ENTREP2: variants seen among roughly 807,000 people sequenced by gnomAD.
The protein encoded by ENTREP2 is endosomal transmembrane epsin interactor 2.
At chr15:29,664,829 C>A in the ENTREP2 span, among the ~76,000 whole-genome samples, 5 of 152,302 alleles carry the variant, frequency 3.3e-5, no homozygotes, top group South Asian at 8.3e-4. Context: ...TGTTTCTGGG[C>A]AGGCACTGTT....
chr15:29,251,269 A>C, the ENTREP2 span, among the ~76,000 whole-genome samples: 35 of 152,362 alleles, frequency 2.3e-4, no homozygotes, highest in Admixed American at 7.8e-4. Flanking sequence ...CCCCATACCC[A>C]GGGAACCACA....
the ENTREP2 span, among the ~76,000 whole-genome samples, chr15:29,258,230 AAAAG>A: frequency 5.5e-5 from 7 of 127,240 alleles, no homozygotes; most frequent in East Asian, 1.3e-3. Flanking sequence ...AAAAAAAAAA[AAAAG>A]AAAGAAAGAA....
chr15:29,542,751 G>C, the ENTREP2 span, among the ~76,000 whole-genome samples: 1 of 152,130 alleles, frequency 6.6e-6, no homozygotes. Context: ...GCTGTCCCTG[G>C]AAACCACCAT....
chr15:29,160,148 G>A, the ENTREP2 span, among the ~76,000 whole-genome samples: 1 of 152,214 alleles, frequency 6.6e-6, no homozygotes, highest in South Asian at 2.1e-4. Context: ...TGCTCCAGCA[G>A]GCAGGGCCAG....
the ENTREP2 span, among the ~76,000 whole-genome samples, chr15:29,622,967 C>T: frequency 4.9e-4 from 74 of 152,204 alleles, 1 homozygote; most frequent in African/African-American, 1.6e-3. Context: ...TGACCATCTG[C>T]GAACACTTCC....
At chr15:29,480,868 C>A in the ENTREP2 span, among the ~76,000 whole-genome samples, 2 of 152,024 alleles carry the variant, frequency 1.3e-5, no homozygotes, top group Non-Finnish European at 2.9e-5. Flanking sequence ...AATGTGGAGG[C>A]GAGACAAGGG....
chr15:29,288,045 C>T, the ENTREP2 span, among the ~76,000 whole-genome samples: 4 of 152,114 alleles, frequency 2.6e-5, no homozygotes, highest in African/African-American at 4.8e-5. Flanking sequence ...GATATTCATA[C>T]AGAAAAATGA....
At chr15:29,375,059 C>T in the ENTREP2 span, 41 of 152,208 alleles carry the variant, frequency 2.7e-4, no homozygotes, top group Non-Finnish European at 4.1e-4. Context: ...TTCCTATGAA[C>T]GTTCTCAAAC....
the ENTREP2 span, among the ~76,000 whole-genome samples, chr15:29,367,975 T>A: frequency 2.8e-5 from 3 of 108,188 alleles, no homozygotes; most frequent in Non-Finnish European, 5.8e-5. Flanking sequence ...AATATGAAGA[T>A]ACAAGAAAGC....
At chr15:29,636,256 G>C in the ENTREP2 span, among the ~76,000 whole-genome samples, 1 of 152,206 alleles carries the variant, frequency 6.6e-6, no homozygotes, top group Non-Finnish European at 1.5e-5. Context: ...TGGACGAGGG[G>C]CGTTTCCTCA....
the ENTREP2 span, among the ~76,000 whole-genome samples, chr15:29,220,693 C>T: frequency 2.0e-5 from 3 of 151,964 alleles, no homozygotes; most frequent in Non-Finnish European, 4.4e-5. Context: ...CTAGGGTTTT[C>T]TTTGGTGCAT....
At chr15:29,408,124 C>T in the ENTREP2 span, among the ~76,000 whole-genome samples, 3 of 152,238 alleles carry the variant, frequency 2.0e-5, no homozygotes, top group Admixed American at 6.5e-5. Flanking sequence ...TTTTAGGCAA[C>T]GATCTAATAT....
At chr15:29,227,367 CT>C in the ENTREP2 span, among the ~76,000 whole-genome samples, 1 of 152,156 alleles carries the variant, frequency 6.6e-6, no homozygotes, top group Non-Finnish European at 1.5e-5. Flanking sequence ...ATCTGGGGAT[CT>C]GTGCCCTGTG....
the ENTREP2 span, among the ~76,000 whole-genome samples, chr15:29,133,275 G>A: frequency 6.6e-5 from 10 of 152,106 alleles, no homozygotes; most frequent in African/African-American, 9.7e-5. Flanking sequence ...AACATCCTGC[G>A]AGAGTGATCT....
At chr15:29,663,900 C>T in the ENTREP2 span, among the ~76,000 whole-genome samples, 2 of 152,050 alleles carry the variant, frequency 1.3e-5, no homozygotes, top group East Asian at 1.9e-4. Context: ...TGATGGTGTG[C>T]GACTGTAATC....
the ENTREP2 span, among the ~76,000 whole-genome samples, chr15:29,554,550 G>A: frequency 8.0e-3 from 1,220 of 152,288 alleles, 24 homozygotes; most frequent in African/African-American, 0.028. Flanking sequence ...CCACAAGCTA[G>A]GCATTAGAGA....
chr15:29,404,516 CT>C, the ENTREP2 span, among the ~76,000 whole-genome samples: 1 of 151,984 alleles, frequency 6.6e-6, no homozygotes, highest in African/African-American at 2.4e-5. Flanking sequence ...CTTACTCCTG[CT>C]TTGCAGAAGG....
At chr15:29,213,887 C>T in the ENTREP2 span, among the ~76,000 whole-genome samples, 1 of 152,138 alleles carries the variant, frequency 6.6e-6, no homozygotes, top group South Asian at 2.1e-4. Context: ...AGGATATGAA[C>T]AGACACTTCT....
chr15:29,185,668 T>C, the ENTREP2 span, among the ~76,000 whole-genome samples: 1 of 152,234 alleles, frequency 6.6e-6, no homozygotes, highest in African/African-American at 2.4e-5. Flanking sequence ...TTCAAGCGAT[T>C]CTCCTGCCTC....
Sources: gnomAD v4.1 joint callset for allele counts (sites outside exome capture counted in the v4.1 genomes callset) on GRCh38, gnomAD v4.1.1 for gene constraint, MANE v1.5 for transcripts, NCBI Gene and HGNC (gene_info 2026-07-23, HGNC 2026-07-21) for gene names.